PTPRD: variants seen among roughly 807,000 people sequenced by gnomAD.
PTPRD encodes protein tyrosine phosphatase receptor type D, also known as receptor-type tyrosine-protein phosphatase delta.
A neutral mutation model predicts 214.5 loss-of-function variants in PTPRD; 34 were observed. The ratio of observed to expected loss-of-function variants is 0.16; its 90% CI spans 0.12 to 0.21. The LOEUF is 0.21. PTPRD is among the 10% of genes least tolerant of loss of function. The pLI is 1.00. For missense variants in PTPRD, 2,545 were observed against 2,398.7 expected, an observed-to-expected ratio of 1.06 and a Z score of -1.27; for synonymous variants, 1,128 against 845.7, an observed-to-expected ratio of 1.33 and a Z score of -5.79.
At chr9:10,129,675 C>G (rs1388837958) in intron 3 of PTPRD, among the ~76,000 whole-genome samples, 1 of 151,998 alleles carries the variant, frequency 6.6e-6, no homozygotes, top group African/African-American at 2.4e-5. Context: ...GTTTCTTGGT[C>G]AGTATGCAAG....
At chr9:9,463,278 T>C (rs1295589983) in intron 8 of PTPRD, among the ~76,000 whole-genome samples, 1 of 152,104 alleles carries the variant, frequency 6.6e-6, no homozygotes, top group Non-Finnish European at 1.5e-5. Context: ...TTTGGAAAGA[T>C]AAACAGGAAT....
chr9:10,120,181 T>C (rs558713921), intron 3 of PTPRD, among the ~76,000 whole-genome samples: 8 of 152,218 alleles, frequency 5.3e-5, no homozygotes, highest in African/African-American at 1.9e-4. Context: ...ATTTTCTGTA[T>C]GTAAGGCTTT....
intron 8 of PTPRD, among the ~76,000 whole-genome samples, chr9:9,468,324 T>C (rs143594143): frequency 1.3e-5 from 2 of 152,196 alleles, no homozygotes; most frequent in African/African-American, 4.8e-5. Context: ...CAAAAAATAA[T>C]CTATATGAAA....
chr9:9,471,054 G>A (rs1189378627), intron 8 of PTPRD, among the ~76,000 whole-genome samples: 3 of 152,132 alleles, frequency 2.0e-5, no homozygotes, highest in Non-Finnish European at 2.9e-5. Flanking sequence ...AGGTCTTGGG[G>A]TCTAACAGAA....
chr9:8,317,812 C>A lies in PTPRD; in HGVS notation c.*62G>T, dbSNP rs1034736185. The A allele has an allele frequency of 6.7e-7, 1 of 1,500,260 alleles. No homozygotes were observed. Among genetic ancestry groups the A allele is most frequent in the Non-Finnish European group, 9.3e-7 (1 of 1,077,978 alleles). The allele number at this position is 1,500,260 out of a possible 1,614,324, so 92.9% of individuals were successfully genotyped here. ...GACTTCTCAAGTGCCCTGTATGGCTCAGAAGAGACTCCATGGATATTGAAG... is the reference window on the plus strand; with the variant it reads ...GACTTCTCAAGTGCCCTGTATGGCTAAGAAGAGACTCCATGGATATTGAAG... On this transcript the variant is annotated 3_prime_UTR_variant, in exon 46 of 46. Transcript: ENST00000381196.
At chr9:9,823,088 C>G (rs1320383267) in intron 5 of PTPRD, among the ~76,000 whole-genome samples, 1 of 151,986 alleles carries the variant, frequency 6.6e-6, no homozygotes, top group Non-Finnish European at 1.5e-5. Context: ...AATGGATGGA[C>G]AGATAAAGAA....
At chr9:9,158,494 G>A (rs938731091) in intron 10 of PTPRD, among the ~76,000 whole-genome samples, 6 of 152,104 alleles carry the variant, frequency 3.9e-5, no homozygotes, top group Non-Finnish European at 5.9e-5. Flanking sequence ...CAGCTTCTCA[G>A]GAGGCTGAGG....
At chr9:8,354,669 CT>C (rs2076523245) in intron 39 of PTPRD, among the ~76,000 whole-genome samples, 1 of 152,144 alleles carries the variant, frequency 6.6e-6, no homozygotes, top group African/African-American at 2.4e-5. Context: ...TATTTACAGG[CT>C]TAAGAATTTG....
chr9:9,790,999 C>T lies in PTPRD; in HGVS notation c.-367-24148G>A, dbSNP rs539897825. On this transcript the variant is annotated intron_variant, in intron 5 of 45. Transcript: ENST00000381196. ...ACATATCATAAATATATATAATGAA[C>T]CAGAAAACGTAATAGATAAATGCAC... is the stretch of plus-strand genomic sequence containing the variant. Among the ~76,000 whole-genome samples the T allele has an allele frequency of 6.6e-5, 10 of 152,002 alleles. No individual in the cohort carries two copies. The South Asian group carries it at 1.5e-3, about 22-fold the overall frequency.
intron 3 of PTPRD, among the ~76,000 whole-genome samples, chr9:10,196,309 G>A (rs2099397899): frequency 6.6e-6 from 1 of 152,074 alleles, no homozygotes; most frequent in South Asian, 2.1e-4. Flanking sequence ...TCACTAATAA[G>A]AGGACCTCAC....
At chr9:8,733,297 T>C (rs1446750725) in intron 12 of PTPRD, among the ~76,000 whole-genome samples, 2 of 152,114 alleles carry the variant, frequency 1.3e-5, no homozygotes, top group Non-Finnish European at 2.9e-5. Flanking sequence ...CGACGACAGC[T>C]GTCGGAAACA....
At chr9:10,474,260 T>C (rs1170779412) in intron 2 of PTPRD, among the ~76,000 whole-genome samples, 3 of 147,462 alleles carry the variant, frequency 2.0e-5, no homozygotes, top group Non-Finnish European at 3.0e-5. Context: ...AAGACATACA[T>C]AGGCTCAAAA....
chr9:8,922,347 A>G (rs2098833469), intron 11 of PTPRD, among the ~76,000 whole-genome samples: 1 of 152,084 alleles, frequency 6.6e-6, no homozygotes, highest in Non-Finnish European at 1.5e-5. Flanking sequence ...CTGATGAGGA[A>G]TAGGCATTTT....
chr9:9,494,076 A>T (rs1188734442), intron 8 of PTPRD, among the ~76,000 whole-genome samples: 1 of 152,162 alleles, frequency 6.6e-6, no homozygotes. Context: ...TGTGGTAGAA[A>T]TAGCAAGAGA....
At position 8,553,448 on chromosome 9, in the gene PTPRD, G is replaced by C. The variant is rs989324251; in HGVS notation, c.353-24669C>G. On this transcript the variant is annotated intron_variant, in intron 14 of 45. Transcript: ENST00000381196. ...ATGTATCTTCTGATAAGTTGAAGTA[G>C]TGGAATGCATTAATTCCACTCTAAA... 1.7e-4 allele frequency among the ~76,000 whole-genome samples: 26 copies of C among 152,154 alleles called. 1 individual carries two copies. Among genetic ancestry groups the C allele is most frequent in the African/African-American group, 6.0e-4 (25 of 41,430 alleles).
intron 44 of PTPRD, 47 bp downstream of exon 44, chr9:8,331,535 A>AGAAACACCACCACTTATCACTGCTT (rs1320724381): frequency 7.3e-7 from 1 of 1,362,108 alleles, no homozygotes. Context: ...CAGACAATGA[A>AGAAACACCACCACTTATCACTGCTT]GAAACACCAC....
chr9:9,732,032 G>A (rs1464830538), intron 7 of PTPRD, among the ~76,000 whole-genome samples: 1 of 151,544 alleles, frequency 6.6e-6, no homozygotes, highest in Non-Finnish European at 1.5e-5. Flanking sequence ...TTCAAGGACA[G>A]GGGGAATCAA....
chr9:10,248,157 CT>C (rs2092375911), intron 3 of PTPRD, among the ~76,000 whole-genome samples: 1 of 152,078 alleles, frequency 6.6e-6, no homozygotes, highest in South Asian at 2.1e-4. Context: ...ATTGCCCATT[CT>C]CAGGTATGTC....
At chr9:10,374,255 G>A (rs1410467847) in intron 2 of PTPRD, among the ~76,000 whole-genome samples, 2 of 152,046 alleles carry the variant, frequency 1.3e-5, no homozygotes, top group South Asian at 4.1e-4. Context: ...AGAGGCAATT[G>A]TGTCAAAATA....
Sources: allele counts gnomAD v4.1 joint callset (sites outside exome capture counted in the v4.1 genomes callset), GRCh38; gene constraint gnomAD v4.1.1; transcripts MANE v1.5; gene names NCBI Gene and HGNC (gene_info 2026-07-23, HGNC 2026-07-21).